Variants in CTNNA3 observed in about 807,000 individuals in gnomAD.
CTNNA3 encodes catenin alpha 3.
Under a neutral mutation model 95.7 loss-of-function variants are expected in CTNNA3, and 76 were observed. The ratio of observed to expected loss-of-function variants is 0.79; its 90% CI spans 0.66 to 0.96. The LOEUF is 0.96. Among genes scored for constraint, CTNNA3 ranks in the 40% least tolerant of loss-of-function variants. The pLI is 0.00. For missense variants in CTNNA3, 1,191 were observed against 1,089.8 expected, an observed-to-expected ratio of 1.09 and a Z score of -1.31; for synonymous variants, 431 against 374.4, an observed-to-expected ratio of 1.15 and a Z score of -1.74.
intron 7 of CTNNA3, among the ~76,000 whole-genome samples, chr10:66,924,059 T>A (rs1323127342): frequency 6.6e-6 from 1 of 152,038 alleles, no homozygotes; most frequent in Non-Finnish European, 1.5e-5. Context: ...TCACAGTGAG[T>A]TTCTTAAACT....
At position 66,559,645 on chromosome 10, in the gene CTNNA3, C is replaced by T. The variant is rs372273200; in HGVS notation, c.1375-38872G>A. ...CTTATGCCACCATGCACCCCCCGCT[C>T]GGGTATCACGACAGACTTTTATACA... is the stretch of plus-strand genomic sequence containing the variant. On this transcript the variant is annotated intron_variant, in intron 10 of 17. Coordinates refer to ENST00000433211, the MANE Select transcript of CTNNA3 (RefSeq NM_013266.4). 6.8e-4 allele frequency among the ~76,000 whole-genome samples: 103 copies of T among 151,918 alleles called. No homozygotes were observed. The South Asian group carries it at 0.02, about 30-fold the overall frequency.
chr10:66,248,702 G>T (rs1004644535), intron 13 of CTNNA3, among the ~76,000 whole-genome samples: 1 of 152,112 alleles, frequency 6.6e-6, no homozygotes, highest in Non-Finnish European at 1.5e-5. Context: ...TATAGCAATT[G>T]TAAGTTTATA....
intron 5 of CTNNA3, among the ~76,000 whole-genome samples, chr10:67,380,890 C>T (rs964551985): frequency 6.6e-6 from 1 of 152,106 alleles, no homozygotes; most frequent in African/African-American, 2.4e-5. Context: ...TTTTTAGTGA[C>T]TAAAATAGGT....
intron 6 of CTNNA3, among the ~76,000 whole-genome samples, chr10:67,181,297 G>A (rs1021739901): frequency 1.3e-5 from 2 of 152,010 alleles, no homozygotes; most frequent in Non-Finnish European, 2.9e-5. Flanking sequence ...TATTTTTAAG[G>A]TTTCCATTAG....
chr10:66,281,362 T>G (rs941719835), intron 12 of CTNNA3, among the ~76,000 whole-genome samples: 8 of 151,930 alleles, frequency 5.3e-5, no homozygotes, highest in African/African-American at 1.9e-4. Context: ...TTATTATCTC[T>G]TCACTAGGCT....
At chr10:67,267,452 C>T (rs557100702) in intron 5 of CTNNA3, among the ~76,000 whole-genome samples, 3 of 152,124 alleles carry the variant, frequency 2.0e-5, no homozygotes, top group Non-Finnish European at 2.9e-5. Flanking sequence ...GCAAGCTCTG[C>T]CTCCCAGGTT....
intron 1 of CTNNA3, among the ~76,000 whole-genome samples, chr10:67,758,472 C>T (rs868033325): frequency 6.6e-6 from 1 of 151,680 alleles, no homozygotes; most frequent in African/African-American, 2.4e-5. Flanking sequence ...AAAGGAATGA[C>T]AGTATCTTGT....
At chr10:67,539,957 C>G (rs1339195881) in intron 3 of CTNNA3, among the ~76,000 whole-genome samples, 1 of 152,092 alleles carries the variant, frequency 6.6e-6, no homozygotes, top group Admixed American at 6.6e-5. Flanking sequence ...TTTGCTGAAT[C>G]TCATTTCTTG....
intron 2 of CTNNA3, among the ~76,000 whole-genome samples, chr10:67,642,041 T>C (rs1157524530): frequency 6.6e-6 from 1 of 151,920 alleles, no homozygotes; most frequent in Non-Finnish European, 1.5e-5. Flanking sequence ...AAACCCAAGA[T>C]GGATTAAATA....
chr10:66,273,410 G>A (rs768763403), intron 13 of CTNNA3, among the ~76,000 whole-genome samples: 1 of 152,036 alleles, frequency 6.6e-6, no homozygotes, highest in Non-Finnish European at 1.5e-5. Flanking sequence ...GTTTAACTCT[G>A]GAATTTCTTA....
At chr10:67,409,871 G>C (rs1312040567) in intron 5 of CTNNA3, among the ~76,000 whole-genome samples, 1 of 152,134 alleles carries the variant, frequency 6.6e-6, no homozygotes, top group African/African-American at 2.4e-5. Context: ...TGCTGGAGAG[G>C]TCGTGGAGAA....
At chr10:65,945,704 T>C (rs2077505722) in intron 17 of CTNNA3, among the ~76,000 whole-genome samples, 1 of 152,186 alleles carries the variant, frequency 6.6e-6, no homozygotes, top group African/African-American at 2.4e-5. Flanking sequence ...TTTTCTTCCT[T>C]GTACCTTAGC....
At chr10:66,711,750 C>A (rs922113090) in intron 9 of CTNNA3, among the ~76,000 whole-genome samples, 2 of 151,872 alleles carry the variant, frequency 1.3e-5, no homozygotes, top group African/African-American at 4.8e-5. Flanking sequence ...AGGGTTTCAC[C>A]ATGTCTGGTC....
intron 15 of CTNNA3, among the ~76,000 whole-genome samples, chr10:66,021,998 A>T (rs2079229039): frequency 6.6e-6 from 1 of 151,674 alleles, no homozygotes; most frequent in East Asian, 1.9e-4. Flanking sequence ...GACTACAGGT[A>T]TGTGCCACCA....
At chr10:67,461,459 A>T (rs180991153) in intron 5 of CTNNA3, among the ~76,000 whole-genome samples, 1 of 152,274 alleles carries the variant, frequency 6.6e-6, no homozygotes, top group Admixed American at 6.5e-5. Context: ...GATAAAGAAA[A>T]GTGAAAAATT....
intron 11 of CTNNA3, among the ~76,000 whole-genome samples, chr10:66,414,638 C>A (rs1322955562): frequency 2.0e-5 from 3 of 152,064 alleles, no homozygotes; most frequent in African/African-American, 2.4e-5. Flanking sequence ...CAGCAAGATG[C>A]CATTTTAGAA....
intron 1 of CTNNA3, among the ~76,000 whole-genome samples, chr10:67,744,185 G>A (rs745554416): frequency 1.5e-4 from 22 of 151,144 alleles, no homozygotes; most frequent in Admixed American, 4.6e-4. Flanking sequence ...AAAAGAGCCC[G>A]CATCAGCAAG....
At chr10:67,220,361 A>G (rs1048729589) in intron 5 of CTNNA3, among the ~76,000 whole-genome samples, 14 of 152,150 alleles carry the variant, frequency 9.2e-5, no homozygotes, top group Non-Finnish European at 1.9e-4. Context: ...AATTAATCCT[A>G]TATCATTCTT....
intron 5 of CTNNA3, among the ~76,000 whole-genome samples, chr10:67,507,847 G>C (rs1461870634): frequency 6.6e-6 from 1 of 152,114 alleles, no homozygotes; most frequent in Non-Finnish European, 1.5e-5. Context: ...AGCTTTAAAA[G>C]ACCATTCACC....
Sources: gnomAD v4.1 joint callset for allele counts (sites outside exome capture counted in the v4.1 genomes callset) on GRCh38, gnomAD v4.1.1 for gene constraint, MANE v1.5 for transcripts, NCBI Gene and HGNC (gene_info 2026-07-23, HGNC 2026-07-21) for gene names.